The following CDK16 variants were observed in gnomAD, a reference collection of about 807,000 sequenced individuals.
The protein encoded by CDK16 is cyclin-dependent kinase 16.
Under a neutral mutation model 41.6 loss-of-function variants are expected in CDK16, and 2 were observed. The observed-to-expected ratio is 0.05, with a 90% confidence interval of 0.02 to 0.15. CDK16 has a LOEUF of 0.15. Ranked by LOEUF, CDK16 falls within the 10% of genes least tolerant of loss-of-function variation. CDK16 has a pLI of 1.00. For synonymous variants in CDK16, 169 were observed against 169.7 expected (o/e 1.00, Z 0.03); for missense variants, 228 against 428.9 (o/e 0.53, Z 4.14).
chrX:47,223,638 C>T lies in CDK16; in HGVS notation c.81C>T (p.Ala27=). 1 of 1,211,312 alleles carries T rather than the reference C, an allele frequency of 8.3e-7. No individual in the cohort carries two copies. Among genetic ancestry groups the T allele is most frequent in the Non-Finnish European group, 1.1e-6 (1 of 895,145 alleles). The change falls in exon 2 of 16, where the codon GCC becomes GCT. Residue 27 remains alanine (A), a synonymous_variant. Transcript: ENST00000357227. ...GAGGCATAGACAAGACCAATGGTGC[C>T]CCTGAGCAGATAGGCCTGGATGAGA... The part of the protein sequence containing the change: ...GGRGIDKTNG[A]PEQIGLDESG...
chrX:47,227,291 CT>C (rs1016006978), intron 13 of CDK16, 68 bp downstream of exon 13: 20 of 1,115,779 alleles, frequency 1.8e-5, no homozygotes, highest in African/African-American at 8.9e-5. Context: ...GACCCCCCCC[CT>C]CAAACCAGGG....
At chrX:47,227,145 C>T (rs748471217) in intron 12 of CDK16, 36 bp from the exon 13 acceptor site, 29 of 1,209,715 alleles carry the variant, frequency 2.4e-5, no homozygotes, top group Non-Finnish European at 3.1e-5. Context: ...AGTGTCCAAA[C>T]TCATTTTAAA....
In CDK16 at chrX:47,224,502, G is replaced by A. The variant is rs768402965; in HGVS notation, c.320G>A (p.Arg107His). The A allele has an allele frequency of 1.7e-6, 2 of 1,200,487 alleles. No individual in the cohort carries two copies. Among genetic ancestry groups the A allele is most frequent in the South Asian group, 3.6e-5 (2 of 55,077 alleles). ...VRVRMRNHPP[R>H]KISTEDINKR... Reference sequence around the variant, plus strand: ...GTGCGTATGCGCAACCATCCCCCACGCAAGATCTCCACTGAGGTGCTTGAC... The same window carrying A: ...GTGCGTATGCGCAACCATCCCCCACACAAGATCTCCACTGAGGTGCTTGAC... Residue 107 changes from arginine (R) to histidine (H), a missense_variant, in exon 3 of 16, where the codon CGC becomes CAC. By Grantham distance (29) the Arg-to-His change is conservative. Transcript: ENST00000357227.
chrX:47,220,726 C>T (rs1937306214), intron 1 of CDK16, among the ~76,000 whole-genome samples: 2 of 110,207 alleles, frequency 1.8e-5, no homozygotes, highest in African/African-American at 6.6e-5. Flanking sequence ...TAAGGATGGT[C>T]GTAGCTGTGA....
chrX:47,227,531 C>T, intron 14 of CDK16, 62 bp downstream of exon 14: 1 of 892,077 alleles, frequency 1.1e-6, no homozygotes, highest in Non-Finnish European at 1.6e-6. Flanking sequence ...CTGCTGGGGC[C>T]AGCTGGCGGG....
chrX:47,218,882 G>C lies in CDK16; in HGVS notation c.-230G>C, dbSNP rs1169706065. 7 of 1,085,823 alleles carry C rather than the reference G, an allele frequency of 6.4e-6. No homozygotes were observed. The highest frequency in any genetic ancestry group is 6.6e-5 in the Admixed American group (2 of 30,476). The allele number at this position is 1,085,823 out of a possible 1,213,427, so 89.5% of individuals were successfully genotyped here. Reference sequence around the variant, plus strand: ...GCCCGCAGCGGCCAAGCTCATGGCCGGCTGAGCGGGACGCCGCCTCCGCCT... The same window carrying C: ...GCCCGCAGCGGCCAAGCTCATGGCCCGCTGAGCGGGACGCCGCCTCCGCCT... On this transcript the variant is annotated 5_prime_UTR_variant, in exon 1 of 16. Transcript: ENST00000357227.
At chrX:47,228,368 ATTTC>A (rs1446799964) in intron 14 of CDK16, 195 bp from the exon 15 acceptor site, 14 of 399,955 alleles carry the variant, frequency 3.5e-5, no homozygotes, top group Non-Finnish European at 6.0e-5. Flanking sequence ...GTTAATAATG[ATTTC>A]TTTGTGTCAT....
In CDK16 at chrX:47,227,370, C is replaced by A; in HGVS notation, c.1285-9C>A. The A allele has an allele frequency of 8.3e-7, 1 of 1,200,288 alleles. No individual in the cohort carries two copies. The highest frequency in any genetic ancestry group is 1.1e-6 in the Non-Finnish European group (1 of 886,004). On this transcript the variant is annotated splice_polypyrimidine_tract_variant and intron_variant, in intron 13 of 15. Coordinates refer to ENST00000357227, the MANE Select transcript of CDK16 (RefSeq NM_006201.5). ...TCAATACTATCCCCCTCCCCGCACC[C>A]CCACTCAGTTTGAGGGTCGAAATCG...
intron 1 of CDK16, among the ~76,000 whole-genome samples, 188 bp downstream of exon 1, chrX:47,219,293 G>A (rs1247036666): frequency 2.7e-5 from 3 of 111,349 alleles, no homozygotes; most frequent in African/African-American, 9.8e-5. Context: ...TGTCCTGGGA[G>A]CTGGGGTTGG....
intron 1 of CDK16, chrX:47,222,889 C>G: frequency 6.2e-6 from 2 of 322,537 alleles, no homozygotes; most frequent in Non-Finnish European, 9.9e-6. Context: ...ACACTGAGAC[C>G]CCCCCGCCCT....
At chrX:47,223,259 A>G (rs1311243382) in intron 1 of CDK16, 3 of 1,154,906 alleles carry the variant, frequency 2.6e-6, no homozygotes, top group Non-Finnish European at 3.4e-6. Context: ...GATCCCAACA[A>G]TCCATCGTTA....
intron 6 of CDK16, among the ~76,000 whole-genome samples, chrX:47,225,497 G>T (rs1271527527): frequency 2.7e-5 from 3 of 111,857 alleles, no homozygotes; most frequent in African/African-American, 9.8e-5. Context: ...CCAAAAACAG[G>T]TTGTGAAAAT....
intron 4 of CDK16, 21 bp from the exon 5 acceptor site, chrX:47,224,813 C>A: frequency 8.3e-7 from 1 of 1,209,257 alleles, no homozygotes; most frequent in East Asian, 3.0e-5. Flanking sequence ...CCAGCTTTAA[C>A]CTGCCTCATT....
At chrX:47,227,513 A>G in intron 14 of CDK16, 44 bp downstream of exon 14, 1 of 1,010,345 alleles carries the variant, frequency 9.9e-7, no homozygotes, top group Middle Eastern at 2.9e-4. Flanking sequence ...GGGGACTGGG[A>G]AACAGGACTG....
intron 2 of CDK16, 57 bp from the exon 3 acceptor site, chrX:47,224,328 G>A (rs1937485120): frequency 7.2e-6 from 8 of 1,111,433 alleles, no homozygotes; most frequent in Non-Finnish European, 9.6e-6. Flanking sequence ...TGGGGGATGG[G>A]GTGTCCTGTG....
chrX:47,229,213 C>T lies in CDK16; in HGVS notation c.*445C>T, dbSNP rs992146182. The T allele has an allele frequency of 1.2e-5, 3 of 260,590 alleles. No individual in the cohort carries two copies. Among genetic ancestry groups the T allele is most frequent in the Non-Finnish European group, 2.1e-5 (3 of 145,094 alleles). 21.5% of individuals were successfully genotyped at this position (260,590 alleles called of 1,213,427 possible). On this transcript the variant is annotated 3_prime_UTR_variant, in exon 16 of 16. Transcript: ENST00000357227. ...CATCCTCTGCCTGCTTTCCTGCCTG[C>T]CCCACCTGCCTCATATTGTGTGGGC...
intron 6 of CDK16, 141 bp from the exon 7 acceptor site, chrX:47,225,631 T>A (rs1287504305): frequency 4.4e-6 from 2 of 452,986 alleles, no homozygotes; most frequent in Non-Finnish European, 7.7e-6. Flanking sequence ...GGGTTAGAGC[T>A]GGTGGCTCCG....
chrX:47,218,667 G>A (rs1194430120), upstream of CDK16: 2 of 1,168,248 alleles, frequency 1.7e-6, no homozygotes, highest in South Asian at 1.9e-5. Flanking sequence ...AGTCCGAGGT[G>A]AGTCCCCTCC....
intron 9 of CDK16, 80 bp from the exon 10 acceptor site, chrX:47,226,503 C>T (rs934701005): frequency 1.7e-6 from 2 of 1,193,034 alleles, no homozygotes; most frequent in Admixed American, 4.5e-5. Context: ...TTGCCTAGGA[C>T]ACCCTCAGTC....
Sources: allele counts gnomAD v4.1 joint callset (sites outside exome capture counted in the v4.1 genomes callset), GRCh38; gene constraint gnomAD v4.1.1; transcripts MANE v1.5; gene names NCBI Gene and HGNC (gene_info 2026-07-23, HGNC 2026-07-21).